SLC8A1: variants seen among roughly 807,000 people sequenced by gnomAD.
The protein encoded by SLC8A1 is sodium/calcium exchanger 1.
SLC8A1 carries 18 observed loss-of-function variants against 68.3 expected under a neutral mutation model. The ratio of observed to expected loss-of-function variants is 0.26; its 90% CI spans 0.18 to 0.39. SLC8A1 has a LOEUF of 0.39. SLC8A1 is among the 10% of genes least tolerant of loss of function. SLC8A1 has a pLI of 1.00. For missense variants in SLC8A1, 985 were observed against 1,156.7 expected (o/e 0.85, Z 2.15); for synonymous variants, 475 against 415.5 (o/e 1.14, Z -1.74).
chr2:40,427,219 T>C (rs920594286), intron 2 of SLC8A1, among the ~76,000 whole-genome samples: 1 of 152,062 alleles, frequency 6.6e-6, no homozygotes, highest in South Asian at 2.1e-4. Context: ...GTAAAGACAC[T>C]GGAAGGCTCT....
chr2:40,215,898 G>A (rs2057396233), intron 2 of SLC8A1, among the ~76,000 whole-genome samples: 1 of 151,504 alleles, frequency 6.6e-6, no homozygotes, highest in South Asian at 2.1e-4. Flanking sequence ...GTGGAGATTT[G>A]TTTTTTCATA....
chr2:40,169,230 G>C (rs775997742), intron 4 of SLC8A1, among the ~76,000 whole-genome samples: 3 of 152,178 alleles, frequency 2.0e-5, no homozygotes, highest in Non-Finnish European at 2.9e-5. Context: ...ACACTGTTGA[G>C]AGTCTTCAAT....
At chr2:40,233,929 G>A (rs1181006839) in intron 2 of SLC8A1, among the ~76,000 whole-genome samples, 1 of 151,752 alleles carries the variant, frequency 6.6e-6, no homozygotes, top group Non-Finnish European at 1.5e-5. Flanking sequence ...TTATTTCTGA[G>A]GGCTCTGTTC....
intron 2 of SLC8A1, among the ~76,000 whole-genome samples, chr2:40,202,718 CAG>C (rs1407410538): frequency 1.3e-5 from 2 of 151,970 alleles, no homozygotes; most frequent in Non-Finnish European, 2.9e-5. Flanking sequence ...CCCACACAAA[CAG>C]GGAGAGACCT....
chr2:40,506,404 C>T (rs1485501672), intron 1 of SLC8A1, among the ~76,000 whole-genome samples: 2 of 151,886 alleles, frequency 1.3e-5, no homozygotes, highest in Non-Finnish European at 1.5e-5. Flanking sequence ...CCCAAAAGAG[C>T]ATGGACTTTT....
At chr2:40,136,343 C>A (rs2040494624) in intron 7 of SLC8A1, among the ~76,000 whole-genome samples, 1 of 152,170 alleles carries the variant, frequency 6.6e-6, no homozygotes, top group Non-Finnish European at 1.5e-5. Flanking sequence ...AAGGAAGAAG[C>A]TTTGTCTCAC....
intron 2 of SLC8A1, among the ~76,000 whole-genome samples, chr2:40,388,755 A>C (rs1482980391): frequency 1.3e-5 from 2 of 152,206 alleles, no homozygotes; most frequent in African/African-American, 4.8e-5. Flanking sequence ...AGAACTCTAA[A>C]ACATTCTGTT....
At chr2:40,260,770 A>G (rs1387154819) in intron 2 of SLC8A1, among the ~76,000 whole-genome samples, 1 of 151,596 alleles carries the variant, frequency 6.6e-6, no homozygotes, top group East Asian at 1.9e-4. Flanking sequence ...TAGACTTCCT[A>G]CGTGTAACTA....
intron 2 of SLC8A1, among the ~76,000 whole-genome samples, chr2:40,403,650 T>C (rs17025926): frequency 0.052 from 7,959 of 152,302 alleles, 358 homozygotes; most frequent in East Asian, 0.24. Context: ...TATAATTTCT[T>C]CCCTCTGTCA....
intron 2 of SLC8A1, among the ~76,000 whole-genome samples, chr2:40,237,152 GC>G (rs1217407936): frequency 1.3e-5 from 2 of 152,038 alleles, no homozygotes; most frequent in Non-Finnish European, 2.9e-5. Flanking sequence ...ACGTTGGCCT[GC>G]CTTGCTAGAT....
intron 2 of SLC8A1, among the ~76,000 whole-genome samples, chr2:40,392,811 A>T (rs898038303): frequency 6.6e-6 from 1 of 152,140 alleles, no homozygotes; most frequent in Non-Finnish European, 1.5e-5. Flanking sequence ...GAGGGCTTTC[A>T]GCATTAATAT....
At chr2:40,105,287 T>A (rs1188787263) in exon 8 of SLC8A1, 1 of 152,152 alleles carries the variant, frequency 6.6e-6, no homozygotes, top group Non-Finnish European at 1.5e-5. Context: ...TGCAGAATCA[T>A]CCTTTCTTCA....
chr2:40,234,080 A>G (rs1284290040), intron 2 of SLC8A1, among the ~76,000 whole-genome samples: 5 of 152,158 alleles, frequency 3.3e-5, no homozygotes, highest in African/African-American at 9.7e-5. Flanking sequence ...TTGGTGATGC[A>G]GGCTCTTTTT....
At chr2:40,289,605 C>G (rs1030005884) in intron 2 of SLC8A1, among the ~76,000 whole-genome samples, 1 of 151,974 alleles carries the variant, frequency 6.6e-6, no homozygotes, top group African/African-American at 2.4e-5. Context: ...AATCCCAACA[C>G]TTTGGGAGGC....
intron 2 of SLC8A1, among the ~76,000 whole-genome samples, chr2:40,249,513 C>T (rs549864169): frequency 6.6e-6 from 1 of 152,330 alleles, no homozygotes; most frequent in East Asian, 1.9e-4. Context: ...GCCTGTGCCA[C>T]AGTCTCCAAC....
intron 2 of SLC8A1, among the ~76,000 whole-genome samples, chr2:40,218,920 C>A (rs141936116): frequency 6.6e-6 from 1 of 152,034 alleles, no homozygotes; most frequent in African/African-American, 2.4e-5. Flanking sequence ...CAGGGAGTTA[C>A]CCCTGAGTGC....
chr2:40,221,510 T>A (rs1487951520), intron 2 of SLC8A1, among the ~76,000 whole-genome samples: 1 of 152,082 alleles, frequency 6.6e-6, no homozygotes, highest in Non-Finnish European at 1.5e-5. Flanking sequence ...CTATTCAACA[T>A]AGTATTGGAA....
chr2:40,126,033 G>A (rs188071352), intron 7 of SLC8A1, among the ~76,000 whole-genome samples: 1 of 152,282 alleles, frequency 6.6e-6, no homozygotes, highest in East Asian at 1.9e-4. Context: ...TTGTCAGGGT[G>A]AGGAAACGGA....
chr2:40,224,719 C>T (rs1415620045), intron 2 of SLC8A1, among the ~76,000 whole-genome samples: 1 of 152,114 alleles, frequency 6.6e-6, no homozygotes, highest in East Asian at 1.9e-4. Flanking sequence ...ATAAAATTTG[C>T]TTATTTTTTA....
Sources: gnomAD v4.1 joint callset for allele counts (sites outside exome capture counted in the v4.1 genomes callset) on GRCh38, gnomAD v4.1.1 for gene constraint, MANE v1.5 for transcripts, NCBI Gene and HGNC (gene_info 2026-07-23, HGNC 2026-07-21) for gene names.